The following TXNDC16 variants were observed in gnomAD, a reference collection of about 807,000 sequenced individuals.
The protein encoded by TXNDC16 is thioredoxin domain-containing protein 16.
In TXNDC16, 74 loss-of-function variants were observed where a neutral mutation model predicts 85.6. The ratio of observed to expected loss-of-function variants is 0.86; its 90% CI spans 0.72 to 1.05. The LOEUF is 1.05. TXNDC16 is among the 50% of genes least tolerant of loss of function. The probability of loss-of-function intolerance (pLI) is 0.00; values close to 1 mark genes in which losing one functional copy is unlikely to be tolerated. For missense variants in TXNDC16, 959 were observed against 947.0 expected, an observed-to-expected ratio of 1.01 and a Z score of -0.17; for synonymous variants, 335 against 326.5, an observed-to-expected ratio of 1.03 and a Z score of -0.28.
intron 6 of TXNDC16, among the ~76,000 whole-genome samples, chr14:52,530,412 TA>T (rs2037506262): frequency 3.6e-4 from 7 of 19,610 alleles, no homozygotes; most frequent in African/African-American, 1.8e-3. Context: ...ATATAATTAT[TA>T]TATAATATTA....
chr14:52,542,708 G>A (rs563539220), intron 3 of TXNDC16, among the ~76,000 whole-genome samples: 20 of 152,060 alleles, frequency 1.3e-4, no homozygotes, highest in Admixed American at 4.6e-4. Context: ...TAAATGTTTC[G>A]TTTAAACCTA....
intron 1 of TXNDC16, among the ~76,000 whole-genome samples, chr14:52,548,902 C>G (rs2140236721): frequency 6.6e-6 from 1 of 152,180 alleles, no homozygotes; most frequent in East Asian, 1.9e-4. Flanking sequence ...TAAAATAAAC[C>G]ATTATTTTAA....
intron 9 of TXNDC16, among the ~76,000 whole-genome samples, chr14:52,492,078 A>G (rs2140156170): frequency 6.6e-6 from 1 of 152,270 alleles, no homozygotes; most frequent in East Asian, 1.9e-4. Flanking sequence ...TTAGATCCCT[A>G]GATTCCCCTC....
At chr14:52,534,125 C>T (rs1286884331) in intron 6 of TXNDC16, among the ~76,000 whole-genome samples, 1 of 152,114 alleles carries the variant, frequency 6.6e-6, no homozygotes, top group African/African-American at 2.4e-5. Context: ...GGATTTTGGC[C>T]TACAGCTGGA....
At chr14:52,514,522 CA>C (rs2037032272) in intron 8 of TXNDC16, among the ~76,000 whole-genome samples, 1 of 152,048 alleles carries the variant, frequency 6.6e-6, no homozygotes, top group Admixed American at 6.6e-5. Flanking sequence ...AAGTAACTTA[CA>C]AGAGTCTCAC....
At chr14:52,520,033 T>C (rs1455387346) in intron 6 of TXNDC16, among the ~76,000 whole-genome samples, 1 of 152,214 alleles carries the variant, frequency 6.6e-6, no homozygotes, top group East Asian at 1.9e-4. Context: ...CTGTAAAAAC[T>C]TATAATACAG....
intron 4 of TXNDC16, among the ~76,000 whole-genome samples, chr14:52,539,894 T>C (rs1303403434): frequency 6.6e-6 from 1 of 152,176 alleles, no homozygotes; most frequent in Admixed American, 6.5e-5. Context: ...CATTTCTAAA[T>C]ATCATTGGTT....
chr14:52,457,711 T>A (rs1226486236), intron 16 of TXNDC16, among the ~76,000 whole-genome samples: 6 of 152,248 alleles, frequency 3.9e-5, no homozygotes, highest in Admixed American at 3.9e-4. Flanking sequence ...TTTTCTCTAA[T>A]GTGTTTTCAT....
intron 1 of TXNDC16, among the ~76,000 whole-genome samples, chr14:52,547,291 G>T (rs927829785): frequency 6.6e-6 from 1 of 152,180 alleles, no homozygotes; most frequent in Non-Finnish European, 1.5e-5. Context: ...ACAGGGCAAA[G>T]CCAAGGACCA....
At chr14:52,468,602 G>C (rs1478643772) in intron 16 of TXNDC16, among the ~76,000 whole-genome samples, 1 of 152,346 alleles carries the variant, frequency 6.6e-6, no homozygotes, top group Admixed American at 6.5e-5. Context: ...GAGTGGGCAA[G>C]TACAGTGGCT....
chr14:52,541,858 GA>G lies in TXNDC16; in HGVS notation c.243+512del, dbSNP rs543107923. On this transcript the variant is annotated intron_variant, in intron 4 of 20. Coordinates refer to ENST00000281741, the MANE Select transcript of TXNDC16 (RefSeq NM_020784.3). Reference sequence around the variant, plus strand: ...TATGGCAAATTTGAACATTTTTTGAGAAAAAAATTAAGTATGTAATGTTGAG... The same window carrying G: ...TATGGCAAATTTGAACATTTTTTGAGAAAAAATTAAGTATGTAATGTTGAG... Among the ~76,000 whole-genome samples the G allele has an allele frequency of 4.7e-3, 715 of 151,982 alleles. 6 individuals are homozygous for G. Among genetic ancestry groups the G allele is most frequent in the African/African-American group, 0.016 (684 of 41,492 alleles).
In TXNDC16 at chr14:52,432,215, C is replaced by T; in HGVS notation, c.*89G>A. ...AATTCTATTGGATGGCACTAGTCTG[C>T]AAACTTGAAATGATTTAATATTATT... On this transcript the variant is annotated 3_prime_UTR_variant, in exon 21 of 21. Transcript: ENST00000281741. 1 of 1,255,512 alleles carries T rather than the reference C, an allele frequency of 8.0e-7. No individual in the cohort carries two copies. Among genetic ancestry groups the T allele is most frequent in the Non-Finnish European group, 1.1e-6 (1 of 927,374 alleles). 77.8% of individuals were successfully genotyped at this position (1,255,512 alleles called of 1,614,324 possible).
chr14:52,504,909 G>A (rs2140173342), intron 9 of TXNDC16, among the ~76,000 whole-genome samples: 1 of 152,152 alleles, frequency 6.6e-6, no homozygotes. Flanking sequence ...AAAAAAGGCA[G>A]GGGTTGCAAT....
In TXNDC16 at chr14:52,470,623, G is replaced by A. The variant is rs746087873; in HGVS notation, c.1370C>T (p.Thr457Ile). The A allele has an allele frequency of 8.7e-6, 14 of 1,613,734 alleles. No individual in the cohort carries two copies. The highest frequency in any genetic ancestry group is 4.5e-5 in the East Asian group (2 of 44,836). Residue 457 changes from threonine to isoleucine, a missense_variant, in exon 15 of 21, where the codon ACT becomes ATT. By Grantham distance (89) the Thr-to-Ile change is moderately conservative. Transcript: ENST00000281741. ...INCADWSDVC[T>I]KQNVTEFPII... ...AGGAAATTCAGTAACATTTTGCTTA[G>A]TACATACATCAGACCAATCTGCACA... is the stretch of plus-strand genomic sequence containing the variant.
At chr14:52,500,557 A>T (rs1002131699) in intron 9 of TXNDC16, among the ~76,000 whole-genome samples, 1 of 152,222 alleles carries the variant, frequency 6.6e-6, no homozygotes, top group African/African-American at 2.4e-5. Context: ...TACATCAGCT[A>T]ATACTGTATT....
intron 18 of TXNDC16, among the ~76,000 whole-genome samples, chr14:52,448,528 G>T (rs1187921788): frequency 6.6e-6 from 1 of 152,058 alleles, no homozygotes; most frequent in Non-Finnish European, 1.5e-5. Context: ...TGTCCTACAA[G>T]AAATGCTAAA....
At chr14:52,475,146 G>C (rs2035992202) in intron 14 of TXNDC16, among the ~76,000 whole-genome samples, 1 of 152,166 alleles carries the variant, frequency 6.6e-6, no homozygotes, top group Admixed American at 6.5e-5. Flanking sequence ...ACGGGTAAAG[G>C]AAGCAGCAGG....
At chr14:52,543,952 T>G (rs997887377) in intron 2 of TXNDC16, among the ~76,000 whole-genome samples, 4 of 152,146 alleles carry the variant, frequency 2.6e-5, no homozygotes, top group Admixed American at 2.0e-4. Flanking sequence ...GGGCATTTTG[T>G]TTTTCTTTAC....
chr14:52,530,468 T>TA (rs2037521104), intron 6 of TXNDC16, among the ~76,000 whole-genome samples: 1 of 4,422 alleles, frequency 2.3e-4, no homozygotes, highest in African/African-American at 6.8e-4. Flanking sequence ...ATATATATTA[T>TA]ATATTATTAT....
Sources: allele counts gnomAD v4.1 joint callset (sites outside exome capture counted in the v4.1 genomes callset), GRCh38; gene constraint gnomAD v4.1.1; transcripts MANE v1.5; gene names NCBI Gene and HGNC (gene_info 2026-07-23, HGNC 2026-07-21).